Variants in TRPM3 observed in about 807,000 individuals in gnomAD.
TRPM3 encodes transient receptor potential cation channel subfamily M member 3.
A neutral mutation model predicts 181.2 loss-of-function variants in TRPM3; 77 were observed. The ratio of observed to expected loss-of-function variants is 0.42; its 90% CI spans 0.35 to 0.51. The LOEUF (loss-of-function observed/expected upper bound fraction) is 0.51, where lower values mean the gene tolerates loss of function less well. TRPM3 is among the 20% of genes least tolerant of loss of function. The pLI, the probability that TRPM3 is intolerant of heterozygous loss-of-function variation, is 0.01. For synonymous variants in TRPM3, 745 were observed against 796.4 expected (o/e 0.94, Z 1.09); for missense variants, 1,759 against 2,196.7 (o/e 0.80, Z 3.98).
At chr9:71,190,241 A>G (rs1238823913) in intron 1 of TRPM3, among the ~76,000 whole-genome samples, 1 of 151,902 alleles carries the variant, frequency 6.6e-6, no homozygotes, top group Admixed American at 6.6e-5. Context: ...ATTTGAGTTG[A>G]GATCCGCAAG....
intron 1 of TRPM3, among the ~76,000 whole-genome samples, chr9:71,037,203 T>C (rs1406252687): frequency 6.6e-6 from 1 of 152,242 alleles, no homozygotes; most frequent in Non-Finnish European, 1.5e-5. Flanking sequence ...ATTCTTATTA[T>C]GATTATTTTC....
chr9:71,185,678 G>A (rs761687172), intron 1 of TRPM3, among the ~76,000 whole-genome samples: 3 of 151,988 alleles, frequency 2.0e-5, no homozygotes, highest in Non-Finnish European at 4.4e-5. Flanking sequence ...TGTTTTATGT[G>A]TAGTCTCATT....
chr9:70,580,345 C>T (rs1292593559), intron 22 of TRPM3, among the ~76,000 whole-genome samples: 1 of 152,180 alleles, frequency 6.6e-6, no homozygotes, highest in African/African-American at 2.4e-5. Context: ...CCCTTTACAG[C>T]AATCTGCCTT....
At chr9:71,269,406 C>T (rs1281185962) in intron 1 of TRPM3, among the ~76,000 whole-genome samples, 2 of 152,170 alleles carry the variant, frequency 1.3e-5, no homozygotes, top group Non-Finnish European at 2.9e-5. Flanking sequence ...AAAAACTGAA[C>T]ACATTCCTTC....
intron 1 of TRPM3, among the ~76,000 whole-genome samples, chr9:71,180,202 G>T (rs2077323240): frequency 6.6e-6 from 1 of 151,754 alleles, no homozygotes; most frequent in Non-Finnish European, 1.5e-5. Flanking sequence ...TTACAGATGT[G>T]CATCAGCACA....
At chr9:70,830,072 A>C (rs1401313410) in intron 5 of TRPM3, among the ~76,000 whole-genome samples, 1 of 152,148 alleles carries the variant, frequency 6.6e-6, no homozygotes, top group South Asian at 2.1e-4. Flanking sequence ...CTTGAGAAGG[A>C]GGGGTAAGAC....
chr9:70,561,139 G>A (rs1168870826), intron 22 of TRPM3, among the ~76,000 whole-genome samples: 1 of 152,136 alleles, frequency 6.6e-6, no homozygotes, highest in African/African-American at 2.4e-5. Flanking sequence ...TTGAGTATCT[G>A]ACTACATTTA....
At chr9:71,117,070 T>C (rs1170243407) in intron 1 of TRPM3, among the ~76,000 whole-genome samples, 2 of 152,156 alleles carry the variant, frequency 1.3e-5, no homozygotes, top group Non-Finnish European at 2.9e-5. Context: ...TCAGAAGTTA[T>C]CCTAGATTCC....
intron 6 of TRPM3, among the ~76,000 whole-genome samples, chr9:70,795,619 C>G (rs1024732204): frequency 6.6e-6 from 1 of 152,186 alleles, no homozygotes; most frequent in South Asian, 2.1e-4. Context: ...CATCACGCCC[C>G]GAACGTCTTC....
intron 9 of TRPM3, among the ~76,000 whole-genome samples, chr9:70,669,243 C>T (rs2062451503): frequency 6.6e-6 from 1 of 152,180 alleles, no homozygotes; most frequent in Non-Finnish European, 1.5e-5. Context: ...CCTCTCAGTT[C>T]CCTAAATGCG....
At chr9:71,247,353 C>CAAAAAAAAAAAAAAAAAAAAAAAAAAAA (rs34584730) in intron 1 of TRPM3, among the ~76,000 whole-genome samples, 1 of 82,336 alleles carries the variant, frequency 1.2e-5, no homozygotes. Flanking sequence ...GACTCTGTCT[C>CAAAAAAAAAAAAAAAAAAAAAAAAAAAA]AAAAAAAAAA....
chr9:70,621,408 G>T, intron 14 of TRPM3, 135 bp from the exon 15 acceptor site: 1 of 482,998 alleles, frequency 2.1e-6, no homozygotes, highest in Non-Finnish European at 3.5e-6. Context: ...TTTGTCACCT[G>T]AGTTGGAGTG....
At position 71,196,193 on chromosome 9, in the gene TRPM3, GTT is replaced by G. The variant is rs544711663; in HGVS notation, c.183+250458_183+250459del. Among the ~76,000 whole-genome samples, 61 of 140,700 alleles carry G rather than the reference GTT, an allele frequency of 4.3e-4. 1 individual carries two copies. Among genetic ancestry groups the G allele is most frequent in the Non-Finnish European group, 1.1e-4 (7 of 63,386 alleles). 92.3% of individuals were successfully genotyped at this position (140,700 alleles called of 152,430 possible). On this transcript the variant is annotated intron_variant, in intron 1 of 24. Transcript: ENST00000357533. The stretch of plus-strand genomic sequence containing the variant: ...TGTGTGTGTGTGTGTGTGTGTGTGT[GTT>G]TTGTACTTATTTGCTCTACCTGTGG...
intron 6 of TRPM3, among the ~76,000 whole-genome samples, chr9:70,801,066 T>C (rs1352850189): frequency 6.6e-6 from 1 of 152,216 alleles, no homozygotes. Context: ...GAATTTATCA[T>C]ACAATTAGGA....
chr9:71,351,659 G>A lies in TRPM3; in HGVS notation c.183+94994C>T, dbSNP rs188155667. Among the ~76,000 whole-genome samples the A allele has an allele frequency of 7.0e-3, 1,062 of 152,144 alleles. 6 individuals carry two copies. The highest frequency in any genetic ancestry group is 9.9e-3 in the Non-Finnish European group (674 of 67,990). On this transcript the variant is annotated intron_variant, in intron 1 of 24. Coordinates refer to the TRPM3 transcript ENST00000357533. The stretch of plus-strand genomic sequence containing the variant: ...AAATATAATGGACAAAAAATGTTGT[G>A]GAAGGATATCTGCAGGAAGCTATGA...
At chr9:71,311,193 C>T (rs1371996377) in intron 1 of TRPM3, among the ~76,000 whole-genome samples, 1 of 152,000 alleles carries the variant, frequency 6.6e-6, no homozygotes, top group South Asian at 2.1e-4. Context: ...AAAAATTGTG[C>T]ACAAAGTGAA....
chr9:71,165,835 A>C (rs988685145), intron 1 of TRPM3, among the ~76,000 whole-genome samples: 9 of 152,122 alleles, frequency 5.9e-5, no homozygotes, highest in Non-Finnish European at 1.2e-4. Flanking sequence ...GCATGGTAAA[A>C]CAGTTTGTAG....
chr9:70,985,517 C>G (rs553695058), intron 1 of TRPM3, among the ~76,000 whole-genome samples: 1 of 152,238 alleles, frequency 6.6e-6, no homozygotes, highest in East Asian at 1.9e-4. Context: ...CTGTATCAAC[C>G]AAGACATTTT....
intron 1 of TRPM3, among the ~76,000 whole-genome samples, chr9:70,916,161 C>T (rs1409539544): frequency 6.6e-6 from 1 of 152,080 alleles, no homozygotes. Flanking sequence ...ATCCTTCAAA[C>T]ATGAAGGGGA....
Sources: allele counts gnomAD v4.1 joint callset (sites outside exome capture counted in the v4.1 genomes callset), GRCh38; gene constraint gnomAD v4.1.1; transcripts MANE v1.5; gene names NCBI Gene and HGNC (gene_info 2026-07-23, HGNC 2026-07-21).